Variants in LDB2 observed in about 807,000 individuals in gnomAD.
LDB2 encodes LIM domain-binding protein 2.
LDB2 carries 12 observed loss-of-function variants against 44.3 expected under a neutral mutation model. The observed-to-expected ratio is 0.27, with a 90% confidence interval of 0.17 to 0.44. The LOEUF (loss-of-function observed/expected upper bound fraction) is 0.44. Ranked by LOEUF, LDB2 falls within the 20% of genes least tolerant of loss-of-function variation. The probability of loss-of-function intolerance (pLI) is 1.00; values close to 1 mark genes in which losing one functional copy is unlikely to be tolerated. For synonymous variants in LDB2, 164 were observed against 174.8 expected (o/e 0.94, Z 0.49); for missense variants, 344 against 473.5 (o/e 0.73, Z 2.54).
At chr4:16,825,794 T>G (rs1260101490) in intron 1 of LDB2, among the ~76,000 whole-genome samples, 1 of 152,144 alleles carries the variant, frequency 6.6e-6, no homozygotes, top group African/African-American at 2.4e-5. Context: ...AGGAATTAAA[T>G]GATATATGAG....
At chr4:16,762,108 A>G (rs1317592454) in intron 1 of LDB2, among the ~76,000 whole-genome samples, 2 of 152,190 alleles carry the variant, frequency 1.3e-5, no homozygotes, top group East Asian at 3.9e-4. Context: ...AGGCAGGAGA[A>G]TAACTTGAAC....
intron 2 of LDB2, 31 bp from the exon 3 acceptor site, chr4:16,595,906 T>C (rs766630743): frequency 1.2e-6 from 2 of 1,602,782 alleles, no homozygotes; most frequent in African/African-American, 2.7e-5. Flanking sequence ...AACAAACCAT[T>C]AACAAAAATA....
At chr4:16,737,824 CCTT>C (rs1408393348) in intron 2 of LDB2, among the ~76,000 whole-genome samples, 1 of 152,098 alleles carries the variant, frequency 6.6e-6, no homozygotes, top group East Asian at 1.9e-4. Context: ...TTTTTACTAT[CCTT>C]CTTTCTTTTG....
chr4:16,821,761 A>AAAAAAAAAAAAAAC (rs1561348301), intron 1 of LDB2, among the ~76,000 whole-genome samples: 1 of 149,928 alleles, frequency 6.7e-6, no homozygotes, highest in East Asian at 1.9e-4. Flanking sequence ...AAAAAAAAAA[A>AAAAAAAAAAAAAAC]AAAAAAAAAT....
chr4:16,604,569 T>C lies in LDB2; in HGVS notation c.236-8694A>G, dbSNP rs1254180075. 2.0e-5 allele frequency among the ~76,000 whole-genome samples: 3 copies of C among 150,808 alleles called. No homozygotes were observed. The South Asian group carries it at 6.2e-4, about 31-fold the overall frequency. Reference sequence around the variant, plus strand: ...TATAACAGAACTTTCAGAAAAATTTTAAATAATGAGGGAAGTAGCGAGCAT... The same window carrying C: ...TATAACAGAACTTTCAGAAAAATTTCAAATAATGAGGGAAGTAGCGAGCAT... On this transcript the variant is annotated intron_variant, in intron 2 of 7. Transcript: ENST00000304523.
At chr4:16,627,246 G>A (rs189076627) in intron 2 of LDB2, among the ~76,000 whole-genome samples, 1 of 152,266 alleles carries the variant, frequency 6.6e-6, no homozygotes, top group East Asian at 1.9e-4. Context: ...AAAACATCTG[G>A]AAGTAAATCA....
At chr4:16,572,756 A>G (rs1414831825) in intron 5 of LDB2, among the ~76,000 whole-genome samples, 1 of 151,936 alleles carries the variant, frequency 6.6e-6, no homozygotes, top group African/African-American at 2.4e-5. Flanking sequence ...CTACTTTTCT[A>G]TCTCCAAATG....
At chr4:16,579,267 T>G (rs1713254962) in intron 5 of LDB2, among the ~76,000 whole-genome samples, 2 of 152,222 alleles carry the variant, frequency 1.3e-5, no homozygotes, top group Admixed American at 1.3e-4. Context: ...TACATGCCTG[T>G]ATCAAAATAC....
At chr4:16,845,982 G>A (rs1786893437) in intron 1 of LDB2, among the ~76,000 whole-genome samples, 2 of 152,032 alleles carry the variant, frequency 1.3e-5, no homozygotes, top group South Asian at 2.1e-4. Flanking sequence ...GGCAGCATGC[G>A]CCTGTAGTCC....
intron 1 of LDB2, among the ~76,000 whole-genome samples, chr4:16,857,750 G>C (rs1789635372): frequency 6.6e-6 from 1 of 152,120 alleles, no homozygotes; most frequent in African/African-American, 2.4e-5. Context: ...CTGCTCAAAG[G>C]TACCCTCAGC....
chr4:16,893,544 G>T (rs1724036497), intron 1 of LDB2, among the ~76,000 whole-genome samples: 1 of 151,968 alleles, frequency 6.6e-6, no homozygotes, highest in Non-Finnish European at 1.5e-5. Flanking sequence ...GGGAGTTTTA[G>T]AGTTGAGCTG....
At chr4:16,625,372 T>C (rs964742750) in intron 2 of LDB2, among the ~76,000 whole-genome samples, 5 of 152,210 alleles carry the variant, frequency 3.3e-5, no homozygotes, top group Admixed American at 6.5e-5. Context: ...GCTTCTGCTA[T>C]TCCTTCTCCT....
chr4:16,865,112 C>T (rs947320854), intron 1 of LDB2, among the ~76,000 whole-genome samples: 5 of 151,764 alleles, frequency 3.3e-5, no homozygotes, highest in African/African-American at 1.2e-4. Context: ...ATTAACTGGG[C>T]TTGGTGGTGT....
chr4:16,597,630 C>T (rs1321617003), intron 2 of LDB2, among the ~76,000 whole-genome samples: 1 of 152,026 alleles, frequency 6.6e-6, no homozygotes, highest in Admixed American at 6.6e-5. Flanking sequence ...TAAATGCAAA[C>T]CATAAAAATG....
intron 1 of LDB2, among the ~76,000 whole-genome samples, chr4:16,781,051 T>C (rs943490434): frequency 6.6e-6 from 1 of 152,136 alleles, no homozygotes; most frequent in Non-Finnish European, 1.5e-5. Context: ...TTTAAATAGA[T>C]TAATTGACTC....
In LDB2 at chr4:16,739,717, TATATACATATATGTGTATATACATAC is replaced by T. The variant is rs1400088615; in HGVS notation, c.235+19415_235+19440del. ...ATATACATATATGTGTATATATGTA[TATATACATATATGTGTATATACATAC>T]ATATACATATATATATAACTATTCT... On this transcript the variant is annotated intron_variant, in intron 2 of 7. Transcript: ENST00000304523. Among the ~76,000 whole-genome samples, 22 of 112,310 alleles carry T rather than the reference TATATACATATATGTGTATATACATAC, an allele frequency of 2.0e-4. 7 individuals are homozygous for T. The East Asian group carries it at 5.2e-3, about 27-fold the overall frequency. 73.7% of individuals were successfully genotyped at this position (112,310 alleles called of 152,430 possible).
At chr4:16,847,422 C>T (rs144804153) in intron 1 of LDB2, among the ~76,000 whole-genome samples, 1 of 152,286 alleles carries the variant, frequency 6.6e-6, no homozygotes, top group Non-Finnish European at 1.5e-5. Flanking sequence ...TATTTTGTGA[C>T]ACCTCCTCCT....
At chr4:16,779,624 C>T (rs569560495) in intron 1 of LDB2, among the ~76,000 whole-genome samples, 1 of 152,272 alleles carries the variant, frequency 6.6e-6, no homozygotes, top group East Asian at 1.9e-4. Flanking sequence ...ATTTGAAGGA[C>T]ATTTTTTAAA....
intron 2 of LDB2, among the ~76,000 whole-genome samples, chr4:16,677,949 A>C (rs1746748112): frequency 6.6e-6 from 1 of 152,256 alleles, no homozygotes; most frequent in East Asian, 1.9e-4. Flanking sequence ...TTTACATTGA[A>C]GGGTCTGAGA....
Sources: gnomAD v4.1 joint callset for allele counts (sites outside exome capture counted in the v4.1 genomes callset) on GRCh38, gnomAD v4.1.1 for gene constraint, MANE v1.5 for transcripts, NCBI Gene and HGNC (gene_info 2026-07-23, HGNC 2026-07-21) for gene names.